Variants in SNX9 observed in about 807,000 individuals in gnomAD.
SNX9 encodes the protein sorting nexin-9.
In SNX9, 44 loss-of-function variants were observed where a neutral mutation model predicts 89.4. That is an observed-to-expected ratio of 0.49 (90% CI 0.39 to 0.63). The LOEUF (loss-of-function observed/expected upper bound fraction) is 0.63, where lower values mean the gene tolerates loss of function less well. Ranked by LOEUF, SNX9 falls within the 30% of genes least tolerant of loss-of-function variation. The probability of loss-of-function intolerance (pLI) is 0.00; values close to 1 mark genes in which losing one functional copy is unlikely to be tolerated. For synonymous variants in SNX9, 236 were observed against 247.8 expected (o/e 0.95, Z 0.45); for missense variants, 578 against 736.1 (o/e 0.79, Z 2.49).
chr6:157,906,116 A>G lies in SNX9; in HGVS notation c.621-12A>G. 6.2e-7 allele frequency: 1 copy of G among 1,606,300 alleles called. No homozygotes were observed. ...AGTCTTAAGACTGATGAACATTTAT[A>G]TTCATGATTAGATTTCCTGGATTTG... On this transcript the variant is annotated splice_polypyrimidine_tract_variant and intron_variant, in intron 6 of 17. Transcript: ENST00000392185.
chr6:157,853,976 G>A (rs879692374), intron 1 of SNX9, among the ~76,000 whole-genome samples: 2 of 152,184 alleles, frequency 1.3e-5, no homozygotes, highest in African/African-American at 2.4e-5. Flanking sequence ...AGTGGTGTGA[G>A]GATTTGAACC....
intron 1 of SNX9, among the ~76,000 whole-genome samples, chr6:157,828,785 T>C (rs1345371808): frequency 1.3e-5 from 2 of 152,120 alleles, no homozygotes; most frequent in East Asian, 3.9e-4. Context: ...ACATATTAGG[T>C]CTTAATGCGT....
chr6:157,937,492 G>A lies in SNX9; in HGVS notation c.1502G>A (p.Gly501Asp), dbSNP rs749527723. 5.6e-6 allele frequency: 9 copies of A among 1,613,912 alleles called. No homozygotes were observed. The highest frequency in any genetic ancestry group is 6.8e-6 in the Non-Finnish European group (8 of 1,179,880). The change falls in exon 15 of 18, where the codon GGC becomes GAC. Residue 501 changes from glycine (G) to aspartate (D), a missense_variant. Physicochemically the swap from Gly to Asp is moderately conservative, Grantham distance 94 (BLOSUM62 -1). This residue lies in a region of SNX9 where 348 missense variants were observed against 491.4 expected (regional missense o/e 0.71). Coordinates refer to ENST00000392185, the MANE Select transcript of SNX9 (RefSeq NM_016224.5). ...ECNHEYKGFL[G>D]CFPDIIGTHK... ...AATCACGAGTATAAAGGTTTTCTTGGCTGCTTCCCTGACATCATTGGCACT... is the reference window on the plus strand; with the variant it reads ...AATCACGAGTATAAAGGTTTTCTTGACTGCTTCCCTGACATCATTGGCACT...
At chr6:157,868,906 C>T (rs953261845) in intron 2 of SNX9, among the ~76,000 whole-genome samples, 2 of 152,332 alleles carry the variant, frequency 1.3e-5, no homozygotes, top group Non-Finnish European at 2.9e-5. Flanking sequence ...CCTTGGTCCA[C>T]GCCTCCGCCT....
chr6:157,836,272 G>A (rs1297992381), intron 1 of SNX9, among the ~76,000 whole-genome samples: 1 of 152,006 alleles, frequency 6.6e-6, no homozygotes, highest in African/African-American at 2.4e-5. Context: ...GCACGTTCTG[G>A]AGTTTTCATT....
At chr6:157,826,342 C>CA (rs978461842) in intron 1 of SNX9, among the ~76,000 whole-genome samples, 8 of 151,094 alleles carry the variant, frequency 5.3e-5, no homozygotes, top group South Asian at 2.1e-4. Flanking sequence ...ACTAAAAATA[C>CA]AAAAAAAATT....
chr6:157,902,721 G>A (rs951637087), intron 6 of SNX9, among the ~76,000 whole-genome samples: 1 of 152,126 alleles, frequency 6.6e-6, no homozygotes, highest in African/African-American at 2.4e-5. Context: ...AGGCTGAAGT[G>A]CAGTGGTGCG....
At chr6:157,918,089 T>C (rs1014421923) in intron 9 of SNX9, among the ~76,000 whole-genome samples, 5 of 152,184 alleles carry the variant, frequency 3.3e-5, no homozygotes, top group African/African-American at 1.2e-4. Context: ...TATGTGTCTG[T>C]AGCAGCTGGG....
intron 4 of SNX9, 112 bp from the exon 5 acceptor site, chr6:157,896,710 TTTCTA>T: frequency 8.6e-7 from 1 of 1,156,746 alleles, no homozygotes; most frequent in South Asian, 1.4e-5. Context: ...TTTGAATACA[TTTCTA>T]TTAATTGTTT....
chr6:157,941,959 T>G (rs1784044892), intron 17 of SNX9, among the ~76,000 whole-genome samples: 1 of 152,204 alleles, frequency 6.6e-6, no homozygotes, highest in East Asian at 1.9e-4. Flanking sequence ...CATTGTATAT[T>G]AGAATATAAC....
intron 9 of SNX9, among the ~76,000 whole-genome samples, chr6:157,915,790 A>G (rs1488702463): frequency 6.9e-6 from 1 of 145,046 alleles, no homozygotes; most frequent in East Asian, 2.0e-4. Context: ...GCACCACTGC[A>G]CTCCAGTCTG....
intron 16 of SNX9, among the ~76,000 whole-genome samples, chr6:157,940,319 A>T (rs1035395858): frequency 6.6e-6 from 1 of 152,256 alleles, no homozygotes; most frequent in Non-Finnish European, 1.5e-5. Flanking sequence ...AATAGGCTGC[A>T]TTTGGGTGAT....
intron 2 of SNX9, among the ~76,000 whole-genome samples, chr6:157,868,099 A>C (rs533479733): frequency 4.6e-5 from 7 of 152,294 alleles, no homozygotes; most frequent in Admixed American, 1.3e-4. Context: ...TCATTTTTCT[A>C]AGCTCTTTTC....
intron 1 of SNX9, among the ~76,000 whole-genome samples, chr6:157,834,456 C>A (rs923093248): frequency 6.0e-5 from 9 of 151,134 alleles, no homozygotes; most frequent in East Asian, 1.9e-4. Flanking sequence ...AAGTGATTCT[C>A]CCACCTCAGC....
intron 7 of SNX9, among the ~76,000 whole-genome samples, chr6:157,909,184 T>G (rs1783282345): frequency 6.6e-6 from 1 of 152,250 alleles, no homozygotes; most frequent in Non-Finnish European, 1.5e-5. Context: ...TGAAAACTGC[T>G]TGTTCCTGAT....
intron 1 of SNX9, among the ~76,000 whole-genome samples, chr6:157,843,027 G>C (rs1393786687): frequency 6.6e-6 from 1 of 152,146 alleles, no homozygotes; most frequent in Admixed American, 6.5e-5. Flanking sequence ...AATGAACAAG[G>C]ACAGCTTAAA....
intron 6 of SNX9, among the ~76,000 whole-genome samples, chr6:157,904,791 A>G (rs1044640789): frequency 2.6e-5 from 4 of 152,180 alleles, no homozygotes; most frequent in South Asian, 4.1e-4. Context: ...TATGCTCCCA[A>G]AACTCCTCCA....
At chr6:157,928,897 G>A (rs1783751563) in intron 12 of SNX9, among the ~76,000 whole-genome samples, 195 bp downstream of exon 12, 1 of 152,158 alleles carries the variant, frequency 6.6e-6, no homozygotes, top group South Asian at 2.1e-4. Context: ...GCAAAGCCAG[G>A]TTAAGAAATC....
At chr6:157,871,563 G>A (rs1252130200) in intron 2 of SNX9, among the ~76,000 whole-genome samples, 1 of 152,026 alleles carries the variant, frequency 6.6e-6, no homozygotes, top group African/African-American at 2.4e-5. Context: ...AGCATTAGGA[G>A]AAATACCTAA....
Sources: gnomAD v4.1 joint callset for allele counts (sites outside exome capture counted in the v4.1 genomes callset) on GRCh38, gnomAD v4.1.1 for gene constraint, gnomAD v4.1.1 regional missense constraint, MANE v1.5 for transcripts, NCBI Gene and HGNC (gene_info 2026-07-23, HGNC 2026-07-21) for gene names.